Variants in GLIPR2 observed in about 807,000 individuals in gnomAD.
The protein encoded by GLIPR2 is GLI pathogenesis related 2.
GLIPR2 carries 21 observed loss-of-function variants against 20.4 expected under a neutral mutation model. That is an observed-to-expected ratio of 1.03 (90% CI 0.73 to 1.48). GLIPR2 has a LOEUF of 1.48. Among genes scored for constraint, GLIPR2 ranks in the 40% most tolerant of loss-of-function variants. The probability of loss-of-function intolerance (pLI) is 0.00; values close to 1 mark genes in which losing one functional copy is unlikely to be tolerated. For synonymous variants in GLIPR2, 91 were observed against 80.5 expected (o/e 1.13, Z -0.70); for missense variants, 205 against 200.1 (o/e 1.02, Z -0.15).
At chr9:36,137,515 C>T (rs938459768) in intron 1 of GLIPR2, among the ~76,000 whole-genome samples, 2 of 152,194 alleles carry the variant, frequency 1.3e-5, no homozygotes, top group African/African-American at 4.8e-5. Context: ...TTCACCACCC[C>T]AACTCTCAGC....
intron 4 of GLIPR2, among the ~76,000 whole-genome samples, chr9:36,158,055 C>T (rs544893206): frequency 6.6e-6 from 1 of 152,238 alleles, no homozygotes; most frequent in South Asian, 2.1e-4. Flanking sequence ...TCAAGTGATC[C>T]GCCCACCTCA....
At chr9:36,157,386 G>T (rs140217270) in intron 4 of GLIPR2, among the ~76,000 whole-genome samples, 3 of 148,658 alleles carry the variant, frequency 2.0e-5, no homozygotes, top group Admixed American at 1.3e-4. Flanking sequence ...TCATTCTGTC[G>T]CCCAGGCTGG....
intron 1 of GLIPR2, among the ~76,000 whole-genome samples, chr9:36,139,310 AAC>A (rs143185108): frequency 1.3e-5 from 2 of 151,340 alleles, no homozygotes; most frequent in Non-Finnish European, 3.0e-5. Flanking sequence ...CTCCACCCCT[AAC>A]ACACACACAC....
At chr9:36,145,077 T>G (rs961452138) in intron 1 of GLIPR2, 1 of 152,190 alleles carries the variant, frequency 6.6e-6, no homozygotes, top group African/African-American at 2.4e-5. Context: ...GGCACTTCCT[T>G]TATGGTTCAC....
chr9:36,162,702 C>A lies in GLIPR2; in HGVS notation c.*180C>A. On this transcript the variant is annotated 3_prime_UTR_variant, in exon 5 of 5. Coordinates refer to ENST00000377960, the MANE Select transcript of GLIPR2 (RefSeq NM_022343.4). The stretch of plus-strand genomic sequence containing the variant: ...GTTCTGTGTGCGCTCATTCTTATTA[C>A]AGGAGTGAGCAAAGGAAGCATTTAC... 1 of 660,686 alleles carries A rather than the reference C, an allele frequency of 1.5e-6. No homozygotes were observed. Among genetic ancestry groups the A allele is most frequent in the Non-Finnish European group, 2.6e-6 (1 of 381,670 alleles). The allele number at this position is 660,686 out of a possible 1,614,324, so 40.9% of individuals were successfully genotyped here.
At chr9:36,138,357 T>C (rs7851303) in intron 1 of GLIPR2, among the ~76,000 whole-genome samples, 34,720 of 151,960 alleles carry the variant, frequency 0.23, 3,980 homozygotes, top group Middle Eastern at 0.28. Context: ...CCTGAGTAGC[T>C]GGGATTACAG....
At chr9:36,157,052 T>C (rs561861226) in intron 4 of GLIPR2, among the ~76,000 whole-genome samples, 1 of 152,176 alleles carries the variant, frequency 6.6e-6, no homozygotes, top group South Asian at 2.1e-4. Flanking sequence ...AGTCTCACAC[T>C]GTTGCCCGGG....
chr9:36,136,956 CG>C lies in GLIPR2; in HGVS notation c.13+171del, dbSNP rs563792321. 9.6e-6 allele frequency: 8 copies of C among 834,734 alleles called. No homozygotes were observed. The highest frequency in any genetic ancestry group is 1.8e-5 in the African/African-American group (1 of 56,584). 51.7% of individuals were successfully genotyped at this position (834,734 alleles called of 1,614,324 possible). ...GCCCCGGCGCGGTTTCCGGGGAACC[CG>C]GGGGGAAGGCGAGCCCGAGGGAGGC... On this transcript the variant is annotated intron_variant, in intron 1 of 4. Transcript: ENST00000377960. This position sits in a 1 kb window ranked among gnomAD's most constrained non-coding sequence, Gnocchi z 4.3.
At chr9:36,158,411 A>G (rs562580648) in intron 4 of GLIPR2, among the ~76,000 whole-genome samples, 1 of 152,312 alleles carries the variant, frequency 6.6e-6, no homozygotes, top group African/African-American at 2.4e-5. Context: ...CTGAGTGTGA[A>G]GTGGTTGCCC....
intron 1 of GLIPR2, 148 bp from the exon 2 acceptor site, chr9:36,147,638 C>T (rs568134705): frequency 4.5e-6 from 3 of 663,714 alleles, no homozygotes; most frequent in Non-Finnish European, 8.4e-6. Flanking sequence ...AGCAGGGCCA[C>T]TTGGCTGGGG....
rs767593742 is a variant in GLIPR2, at chr9:36,162,495, A to C, written c.438A>C (p.Glu146Asp). Residue 146 changes from glutamate to aspartate, a missense_variant, in exon 5 of 5, where the codon GAA (glutamate) becomes GAC (aspartate). Glu to Asp is a conservative substitution (Grantham distance 45). Coordinates refer to ENST00000377960, the MANE Select transcript of GLIPR2 (RefSeq NM_022343.4). ...AGNVVNEGFF[E>D]ENVLPPKK The stretch of plus-strand genomic sequence containing the variant: ...ATGTTGTCAATGAGGGCTTCTTCGA[A>C]GAAAACGTCCTGCCGCCGAAGAAGT... 2.5e-6 allele frequency: 4 copies of C among 1,614,232 alleles called. No homozygotes were observed. Among genetic ancestry groups the C allele is most frequent in the East Asian group, 2.2e-5 (1 of 44,888 alleles).
intron 1 of GLIPR2, among the ~76,000 whole-genome samples, chr9:36,146,761 G>A (rs1587136480): frequency 6.6e-6 from 1 of 152,112 alleles, no homozygotes; most frequent in South Asian, 2.1e-4. Context: ...TGCCTCCTGG[G>A]CATGCTGAGT....
In GLIPR2 at chr9:36,147,849, T is replaced by TC; in HGVS notation, c.83dup (p.Leu29ThrfsTer16). 3 of 1,598,922 alleles carry TC rather than the reference T, an allele frequency of 1.9e-6. No homozygotes were observed. Among genetic ancestry groups the TC allele is most frequent in the Non-Finnish European group, 2.6e-6 (3 of 1,166,334 alleles). ...AATGAGTACCGGCAGAAGCACGGCGTCCCCCCACTGAAGCTCTGCAAGAAC... is the reference window on the plus strand; with the variant it reads ...AATGAGTACCGGCAGAAGCACGGCGTCCCCCCCACTGAAGCTCTGCAAGAAC... On this transcript the variant is annotated frameshift_variant, in exon 2 of 5. Transcript: ENST00000377960. LOFTEE classifies it high-confidence loss of function.
At chr9:36,141,459 G>A (rs113063463) in intron 1 of GLIPR2, among the ~76,000 whole-genome samples, 15 of 31,432 alleles carry the variant, frequency 4.8e-4, no homozygotes, top group African/African-American at 1.2e-3. Flanking sequence ...TTTGCCAAGG[G>A]GGCAGGGGGC....
At chr9:36,144,332 T>G (rs1033866642) in intron 1 of GLIPR2, 6 of 152,252 alleles carry the variant, frequency 3.9e-5, no homozygotes, top group Admixed American at 2.6e-4. Flanking sequence ...TTAACCATTT[T>G]TAAGTGTACA....
At chr9:36,140,662 CGTCATAGACATCAT>C (rs1825032057) in intron 1 of GLIPR2, among the ~76,000 whole-genome samples, 2 of 152,036 alleles carry the variant, frequency 1.3e-5, no homozygotes, top group Non-Finnish European at 2.9e-5. Flanking sequence ...TTGAGCAACT[CGTCATAGACATCAT>C]TCTTGCCATT....
intron 1 of GLIPR2, among the ~76,000 whole-genome samples, chr9:36,138,293 C>T (rs1824920365): frequency 6.6e-6 from 1 of 151,884 alleles, no homozygotes; most frequent in African/African-American, 2.4e-5. Context: ...GGTGCGATCT[C>T]GGCTCACTGC....
chr9:36,144,258 C>T (rs1825221775), intron 1 of GLIPR2: 2 of 152,198 alleles, frequency 1.3e-5, no homozygotes, highest in South Asian at 4.1e-4. Context: ...TACCACATTA[C>T]CATGCTAACC....
chr9:36,145,380 T>G (rs183044853), intron 1 of GLIPR2, among the ~76,000 whole-genome samples: 1 of 149,796 alleles, frequency 6.7e-6, no homozygotes, highest in African/African-American at 2.5e-5. Context: ...CTTACCTGCA[T>G]CTTGGCACCT....
Sources: allele counts gnomAD v4.1 joint callset (sites outside exome capture counted in the v4.1 genomes callset), GRCh38; gene constraint gnomAD v4.1.1; non-coding constraint Gnocchi (gnomAD v3.1); transcripts MANE v1.5; gene names NCBI Gene and HGNC (gene_info 2026-07-23, HGNC 2026-07-21).